Variants in SLC43A2 observed in about 807,000 individuals in gnomAD.
The protein encoded by SLC43A2 is solute carrier family 43 member 2, also known as large neutral amino acids transporter small subunit 4.
SLC43A2 carries 38 observed loss-of-function variants against 63.2 expected under a neutral mutation model. The observed-to-expected ratio is 0.60, with a 90% CI of 0.46 to 0.79. The LOEUF is 0.79. Ranked by LOEUF, SLC43A2 falls within the 30% of genes least tolerant of loss-of-function variation. The probability of loss-of-function intolerance (pLI) is 0.00; values close to 1 mark genes in which losing one functional copy is unlikely to be tolerated. For synonymous variants in SLC43A2, 322 were observed against 331.0 expected, an observed-to-expected ratio of 0.97 and a Z score of 0.30; for missense variants, 644 against 756.2, an observed-to-expected ratio of 0.85 and a Z score of 1.74.
chr17:1,619,668 T>C (rs1907977469), intron 2 of SLC43A2, among the ~76,000 whole-genome samples: 2 of 152,248 alleles, frequency 1.3e-5, no homozygotes, highest in South Asian at 4.1e-4. Context: ...AGCTGCTTTG[T>C]GAGTTGGTGT....
chr17:1,586,929 C>CCCCCCCCCCCCCCCCCCCCCCCCCGGG, intron 9 of SLC43A2: 1 of 657,350 alleles, frequency 1.5e-6, no homozygotes, highest in Non-Finnish European at 2.5e-6. Context: ...CCCTGACAAT[C>CCCCCCCCCCCCCCCCCCCCCCCCCGGG]CCCCCCACCC....
rs972731313 is a variant in SLC43A2, at chr17:1,578,044, T to C, written c.1424+206A>G. 1.3e-5 allele frequency among the ~76,000 whole-genome samples: 2 copies of C among 152,142 alleles called. No individual in the cohort carries two copies. The highest frequency in any genetic ancestry group is 6.5e-5 in the Admixed American group (1 of 15,274). On this transcript the variant is annotated intron_variant, in intron 12 of 13. Coordinates refer to ENST00000301335, the MANE Select transcript of SLC43A2 (RefSeq NM_152346.3). This position sits in a 1 kb window ranked among gnomAD's most constrained non-coding sequence, Gnocchi z 6.5. ...ATGCCAAGGCTTGTGAGCACCCAAC[T>C]GTCTGCCCACTGACCTGCTTCCCAC...
intron 12 of SLC43A2, among the ~76,000 whole-genome samples, 183 bp from the exon 13 acceptor site, chr17:1,576,903 C>T (rs1044247401): frequency 4.0e-5 from 6 of 148,924 alleles, no homozygotes; most frequent in Non-Finnish European, 7.4e-5. Flanking sequence ...CTTGCACTGT[C>T]GCCTGGGCTG....
intron 5 of SLC43A2, chr17:1,604,866 G>A (rs758408433): frequency 2.2e-5 from 34 of 1,535,330 alleles, no homozygotes; most frequent in African/African-American, 6.8e-5. Context: ...TCCCCCTCTC[G>A]CTCACTCCGT....
chr17:1,609,260 G>C (rs1484043791), intron 5 of SLC43A2, among the ~76,000 whole-genome samples: 1 of 152,092 alleles, frequency 6.6e-6, no homozygotes, highest in African/African-American at 2.4e-5. Flanking sequence ...GGAGTGCAGT[G>C]GCGCAATCTC....
chr17:1,606,165 C>A lies in SLC43A2; in HGVS notation c.501+7030G>T, dbSNP rs2151065666. Among the ~76,000 whole-genome samples the A allele has an allele frequency of 6.6e-6, 1 of 151,456 alleles. No homozygotes were observed. The highest frequency in any genetic ancestry group is 2.1e-4 in the South Asian group (1 of 4,786). ...AGCTGGCCGGGGGCCACCGCGGGAC[C>A]CTCTCCTGGACCCTCCAGAGCTGGC... On this transcript the variant is annotated intron_variant, in intron 5 of 13. Transcript: ENST00000301335. This position sits in a 1 kb window ranked among gnomAD's most constrained non-coding sequence, Gnocchi z 4.7.
chr17:1,585,668 A>G (rs2076090270), intron 10 of SLC43A2: 1 of 1,425,236 alleles, frequency 7.0e-7, no homozygotes, highest in Non-Finnish European at 9.3e-7. Context: ...GATTACAGGC[A>G]TGAGTCACCG....
At chr17:1,604,794 T>C (rs979192662) in intron 5 of SLC43A2, 5 of 1,535,670 alleles carry the variant, frequency 3.3e-6, no homozygotes, top group Non-Finnish European at 4.4e-6. Flanking sequence ...CAGCATCGGA[T>C]GGGCTTGCAT....
chr17:1,576,554 G>C, intron 13 of SLC43A2, 43 bp downstream of exon 13: 1 of 1,562,402 alleles, frequency 6.4e-7, no homozygotes. Flanking sequence ...GTTAGCAGAA[G>C]GGGGCAGGCG....
chr17:1,586,199 C>G, intron 9 of SLC43A2, 148 bp from the exon 10 acceptor site: 3 of 1,269,994 alleles, frequency 2.4e-6, no homozygotes, highest in African/African-American at 1.5e-5. Flanking sequence ...GCGAGGAGCC[C>G]GGAGACCTTA....
In SLC43A2 at chr17:1,574,180, C is replaced by T. The variant is rs1330100425; in HGVS notation, c.*1424G>A. On this transcript the variant is annotated 3_prime_UTR_variant, in exon 14 of 14. Coordinates refer to ENST00000301335, the MANE Select transcript of SLC43A2 (RefSeq NM_152346.3). ...AAAATCGGTAGAGGAGGGTGGCTCA[C>T]ACTTCTAAGATGTCTGCACAAGCCC... 1 of 152,370 alleles carries T rather than the reference C, an allele frequency of 6.6e-6. No homozygotes were observed. The highest frequency in any genetic ancestry group is 2.4e-5 in the African/African-American group (1 of 41,430). The allele number at this position is 152,370 out of a possible 1,614,324, so 9.4% of individuals were successfully genotyped here. A position where few individuals can be genotyped will look rare whatever the true frequency, so the allele number is the denominator to read the frequency against.
In SLC43A2 at chr17:1,595,669, TCCTGA is replaced by T. The variant is rs1389738393; in HGVS notation, c.502-2395_502-2391del. ...CCATGCTGCCAGGCTGGTCTTGAAC[TCCTGA>T]CCTCAAGCGATCCATCTATCTTGGC... On this transcript the variant is annotated intron_variant, in intron 5 of 13. Coordinates refer to ENST00000301335, the MANE Select transcript of SLC43A2 (RefSeq NM_152346.3). Among the ~76,000 whole-genome samples the T allele has an allele frequency of 3.3e-5, 5 of 152,168 alleles. No homozygotes were observed. In the East Asian group the frequency reaches 9.7e-4, roughly 29 times the overall value.
intron 5 of SLC43A2, among the ~76,000 whole-genome samples, chr17:1,611,030 C>CG (rs1376830100): frequency 1.3e-5 from 2 of 151,666 alleles, no homozygotes; most frequent in Non-Finnish European, 2.9e-5. Flanking sequence ...TTAGTAGAGA[C>CG]GGGGTTTCAC....
rs893534816 is a variant in SLC43A2 at position 1,591,653 on chromosome 17, C to A, written c.641G>T (p.Trp214Leu). The A allele has an allele frequency of 1.9e-6, 3 of 1,546,086 alleles. No homozygotes were observed. The highest frequency in any genetic ancestry group is 2.6e-6 in the Non-Finnish European group (3 of 1,146,426). Residue 214 changes from tryptophan (W) to leucine (L), a missense_variant, in exon 7 of 14, where the codon TGG becomes TTG. Physicochemically the swap from Trp to Leu is moderately conservative, Grantham distance 61 (BLOSUM62 -2). Around this residue, in one of 3 missense-constraint regions of SLC43A2, gnomAD observed 528 missense variants for 623.6 expected, o/e 0.85. Coordinates refer to ENST00000301335, the MANE Select transcript of SLC43A2 (RefSeq NM_152346.3). ...GAAAACCAGCCCGGAGCAGCCGGCCCAGACCACGAGGACGACGATGAAGGA... is the reference window on the plus strand; with the variant it reads ...GAAAACCAGCCCGGAGCAGCCGGCCAAGACCACGAGGACGACGATGAAGGA... ...GVSFIVVLVV[W>L]AGCSGLVFLN...
chr17:1,618,349 G>A (rs1907864909), intron 2 of SLC43A2, among the ~76,000 whole-genome samples: 1 of 152,200 alleles, frequency 6.6e-6, no homozygotes, highest in Non-Finnish European at 1.5e-5. Flanking sequence ...TAGAGTGTGG[G>A]GGAAGATCAA....
Position 1,627,842 on chromosome 17 carries a change from G to A in SLC43A2, c.33C>T (p.Arg11=). ...CGGCCGTGCAGGCCATCCACCAGCG[G>A]CGCCGATGGGCAGTGGCCAGGGTGG... MAPTLATAHR[R]RWWMACTAVL... Residue 11 remains arginine, a synonymous_variant, in exon 2 of 14, where the codon CGC becomes CGT. Transcript: ENST00000301335. The A allele has an allele frequency of 6.3e-7, 1 of 1,586,262 alleles. No individual in the cohort carries two copies. Among genetic ancestry groups the A allele is most frequent in the Non-Finnish European group, 8.6e-7 (1 of 1,166,556 alleles).
rs189917085 is a variant in SLC43A2, at chr17:1,600,838, G to A, written c.502-7559C>T. 2.7e-3 allele frequency among the ~76,000 whole-genome samples: 406 copies of A among 151,440 alleles called. 2 individuals are homozygous for A. Among genetic ancestry groups the A allele is most frequent in the Non-Finnish European group, 4.4e-3 (302 of 67,934 alleles). ...CTCTCAAAGTGTTGGGATGACAGGC[G>A]TGAACCATTGCGCCCAGACTTTTTT... is the stretch of plus-strand genomic sequence containing the variant. On this transcript the variant is annotated intron_variant, in intron 5 of 13. Coordinates refer to ENST00000301335, the MANE Select transcript of SLC43A2 (RefSeq NM_152346.3).
intron 9 of SLC43A2, among the ~76,000 whole-genome samples, chr17:1,586,445 C>G (rs190686112): frequency 1.3e-3 from 193 of 152,194 alleles, no homozygotes; most frequent in Non-Finnish European, 2.1e-3. Context: ...GCCTGTAATC[C>G]CAGCACTTTG....
At chr17:1,617,828 A>G (rs1471866819) in intron 2 of SLC43A2, among the ~76,000 whole-genome samples, 1 of 152,196 alleles carries the variant, frequency 6.6e-6, no homozygotes, top group Non-Finnish European at 1.5e-5. Flanking sequence ...TCCACCCAGC[A>G]CCAAAACAAC....
Sources: gnomAD v4.1 joint callset for allele counts (sites outside exome capture counted in the v4.1 genomes callset) on GRCh38, gnomAD v4.1.1 for gene constraint, gnomAD v4.1.1 regional missense constraint, Gnocchi (gnomAD v3.1) non-coding constraint, MANE v1.5 for transcripts, NCBI Gene and HGNC (gene_info 2026-07-23, HGNC 2026-07-21) for gene names.